Variants in DIAPH3 observed in about 807,000 individuals in gnomAD.
The protein encoded by DIAPH3 is diaphanous related formin 3, also known as protein diaphanous homolog 3.
A neutral mutation model predicts 144.3 loss-of-function variants in DIAPH3; 117 were observed. The ratio of observed to expected loss-of-function variants is 0.81; its 90% CI spans 0.70 to 0.95. The LOEUF (loss-of-function observed/expected upper bound fraction) is 0.95, where lower values mean the gene tolerates loss of function less well. Among genes scored for constraint, DIAPH3 ranks in the 40% least tolerant of loss-of-function variants. DIAPH3 has a pLI of 0.00. For synonymous variants in DIAPH3, 519 were observed against 488.9 expected, an observed-to-expected ratio of 1.06 and a Z score of -0.81; for missense variants, 1,421 against 1,412.7, an observed-to-expected ratio of 1.01 and a Z score of -0.09.
At chr13:59,798,206 G>T (rs963139335) in intron 25 of DIAPH3, among the ~76,000 whole-genome samples, 1 of 152,114 alleles carries the variant, frequency 6.6e-6, no homozygotes, top group Admixed American at 6.5e-5. Flanking sequence ...TTGCAAAATT[G>T]CAAGTGTCCT....
chr13:60,104,566 G>GCA (rs10633554), intron 3 of DIAPH3, among the ~76,000 whole-genome samples: 22,542 of 147,014 alleles, frequency 0.15, 1,739 homozygotes, highest in African/African-American at 0.19. Flanking sequence ...CAGTATCAAG[G>GCA]CACACACACA....
At chr13:60,088,686 A>C (rs2057832222) in intron 4 of DIAPH3, among the ~76,000 whole-genome samples, 2 of 152,130 alleles carry the variant, frequency 1.3e-5, no homozygotes. Flanking sequence ...CAGTGGCATG[A>C]TCTCAGCTCA....
At chr13:60,122,591 C>T (rs1053620384) in intron 2 of DIAPH3, among the ~76,000 whole-genome samples, 2 of 152,020 alleles carry the variant, frequency 1.3e-5, no homozygotes, top group African/African-American at 4.8e-5. Flanking sequence ...CCTGGAACAC[C>T]CTAGCCATTG....
chr13:60,101,338 C>T (rs936887528), intron 3 of DIAPH3, among the ~76,000 whole-genome samples: 1 of 152,078 alleles, frequency 6.6e-6, no homozygotes, highest in African/African-American at 2.4e-5. Context: ...GGGCTAGTAA[C>T]ATCTGACTGA....
At chr13:59,702,758 G>A (rs2034181486) in intron 27 of DIAPH3, among the ~76,000 whole-genome samples, 1 of 152,110 alleles carries the variant, frequency 6.6e-6, no homozygotes, top group African/African-American at 2.4e-5. Flanking sequence ...GGCTTTATAT[G>A]GTCTGGCCTC....
chr13:59,861,502 G>T lies in DIAPH3; in HGVS notation c.2642C>A (p.Thr881Lys). Residue 881 changes from threonine (T) to lysine (K), a missense_variant, in exon 22 of 28, where the codon ACG becomes AAG. Transcript: ENST00000400324. Reference protein sequence around the residue: ...KDTKSADQKTTLLHFLVEICE... With the variant: ...KDTKSADQKTKLLHFLVEICE... ...TATTTCTACCAGGAAATGAAGTAGC[G>T]TTGTTTTCTGATCTGCTGATTTTGT... 6.2e-7 allele frequency: 1 copy of T among 1,613,748 alleles called. No individual in the cohort carries two copies. The highest frequency in any genetic ancestry group is 8.5e-7 in the Non-Finnish European group (1 of 1,179,866).
chr13:59,819,079 T>A (rs2040930096), intron 24 of DIAPH3, among the ~76,000 whole-genome samples: 4 of 151,888 alleles, frequency 2.6e-5, no homozygotes, highest in Non-Finnish European at 5.9e-5. Context: ...TAGGATTGAG[T>A]GTTCTTACTT....
At chr13:60,016,357 G>C (rs1281370317) in intron 5 of DIAPH3, among the ~76,000 whole-genome samples, 1 of 152,168 alleles carries the variant, frequency 6.6e-6, no homozygotes, top group Non-Finnish European at 1.5e-5. Context: ...CGCTTGCACA[G>C]GCTTGTAAGA....
chr13:59,855,687 T>C (rs1169033798), intron 22 of DIAPH3, among the ~76,000 whole-genome samples: 1 of 151,518 alleles, frequency 6.6e-6, no homozygotes, highest in African/African-American at 2.4e-5. Context: ...GAACCAGCAC[T>C]ACACAACTTG....
chr13:59,797,330 G>A (rs1278985884), intron 25 of DIAPH3, among the ~76,000 whole-genome samples: 1 of 152,126 alleles, frequency 6.6e-6, no homozygotes, highest in African/African-American at 2.4e-5. Context: ...CTAGTGCCTA[G>A]GATAGTATCA....
rs570744780 is a variant in DIAPH3 at position 59,969,315 on chromosome 13, G to T, written c.2074+629C>A. On this transcript the variant is annotated intron_variant, in intron 17 of 27. Transcript: ENST00000400324. ...ACTTCTCTTTCAAGCTAACTTTGAA[G>T]ACATTATAAATCTGATATTTTTATC... 8.2e-4 allele frequency among the ~76,000 whole-genome samples: 125 copies of T among 152,232 alleles called. 1 individual carries two copies. The highest frequency in any genetic ancestry group is 1.5e-3 in the Non-Finnish European group (103 of 68,010).
chr13:59,994,971 G>A (rs761046258), intron 9 of DIAPH3, among the ~76,000 whole-genome samples: 7 of 151,800 alleles, frequency 4.6e-5, no homozygotes, highest in Non-Finnish European at 7.4e-5. Context: ...AAATTTTTGA[G>A]CAAGGAGGAA....
At chr13:59,668,273 A>AC (rs1417824136) in intron 27 of DIAPH3, among the ~76,000 whole-genome samples, 1 of 152,118 alleles carries the variant, frequency 6.6e-6, no homozygotes, top group Non-Finnish European at 1.5e-5. Context: ...TAGCTCCCAC[A>AC]CCTCTGTCCC....
At chr13:59,753,835 C>T (rs1241445617) in intron 27 of DIAPH3, among the ~76,000 whole-genome samples, 1 of 152,110 alleles carries the variant, frequency 6.6e-6, no homozygotes, top group Non-Finnish European at 1.5e-5. Flanking sequence ...GTGTGTTTCA[C>T]AAAAACAGCG....
intron 17 of DIAPH3, among the ~76,000 whole-genome samples, chr13:59,969,506 G>A (rs1753825908): frequency 6.6e-6 from 1 of 152,060 alleles, no homozygotes. Context: ...TCTACGTTGG[G>A]TATTTCTCCT....
chr13:60,054,157 A>G (rs1393859756), intron 4 of DIAPH3, among the ~76,000 whole-genome samples: 2 of 152,072 alleles, frequency 1.3e-5, no homozygotes, highest in Non-Finnish European at 2.9e-5. Flanking sequence ...GTGATAGCTT[A>G]ATCTTTAAAT....
At chr13:59,685,540 A>C (rs982933363) in intron 27 of DIAPH3, among the ~76,000 whole-genome samples, 5 of 152,122 alleles carry the variant, frequency 3.3e-5, no homozygotes, top group African/African-American at 1.2e-4. Context: ...TTTCCCAACA[A>C]AAACACTGAG....
intron 17 of DIAPH3, among the ~76,000 whole-genome samples, chr13:59,949,226 A>T (rs2048971053): frequency 6.6e-6 from 1 of 152,148 alleles, no homozygotes; most frequent in Non-Finnish European, 1.5e-5. Flanking sequence ...GTTCAATTTG[A>T]TTAAATGGCA....
At chr13:59,746,621 C>T (rs1278798771) in intron 27 of DIAPH3, among the ~76,000 whole-genome samples, 1 of 152,150 alleles carries the variant, frequency 6.6e-6, no homozygotes, top group South Asian at 2.1e-4. Context: ...TCATTATCTC[C>T]AAAATTCTCC....
Sources: gnomAD v4.1 joint callset for allele counts (sites outside exome capture counted in the v4.1 genomes callset) on GRCh38, gnomAD v4.1.1 for gene constraint, MANE v1.5 for transcripts, NCBI Gene and HGNC (gene_info 2026-07-23, HGNC 2026-07-21) for gene names.